TICRR: variants seen among roughly 807,000 people sequenced by gnomAD.
TICRR encodes the protein treslin.
A neutral mutation model predicts 178.1 loss-of-function variants in TICRR; 132 were observed. That is an observed-to-expected ratio of 0.74 (90% CI 0.64 to 0.86). The LOEUF (loss-of-function observed/expected upper bound fraction) is 0.86, where lower values mean the gene tolerates loss of function less well. Among genes scored for constraint, TICRR ranks in the 40% least tolerant of loss-of-function variants. TICRR has a pLI of 0.00. For synonymous variants in TICRR, 991 were observed against 900.7 expected (o/e 1.10, Z -1.79); for missense variants, 2,587 against 2,334.3 (o/e 1.11, Z -2.23).
At chr15:89,621,710 A>T (rs1408053526) in intron 19 of TICRR, among the ~76,000 whole-genome samples, 160 bp downstream of exon 19, 1 of 152,086 alleles carries the variant, frequency 6.6e-6, no homozygotes, top group African/African-American at 2.4e-5. Flanking sequence ...ATTATTAGAC[A>T]CGTGGGAACT....
Position 89,606,825 on chromosome 15 carries a change from G to C in TICRR, c.2722G>C (p.Glu908Gln), listed in dbSNP as rs1244643778. 1.2e-6 allele frequency: 2 copies of C among 1,612,732 alleles called. No individual in the cohort carries two copies. The highest frequency in any genetic ancestry group is 2.7e-5 in the African/African-American group (2 of 74,872). Residue 908 changes from glutamate to glutamine, a missense_variant and splice_region_variant, in exon 14 of 22, where the codon GAA (glutamate) becomes CAA (glutamine). Glu to Gln is a conservative substitution (Grantham distance 29, BLOSUM62 2). Coordinates refer to ENST00000268138, the MANE Select transcript of TICRR (RefSeq NM_152259.4). ...CCAGCCAGTGAAAGATACAGTGCAA[G>C]GTATACTGTTTTCTCAGTGTATGTA... Reference protein sequence around the residue: ...PSQPVKDTVQEVTKVRRNLFN... With the variant: ...PSQPVKDTVQQVTKVRRNLFN...
At chr15:89,621,679 C>A in intron 19 of TICRR, 129 bp downstream of exon 19, 1 of 751,854 alleles carries the variant, frequency 1.3e-6, no homozygotes, top group Non-Finnish European at 2.1e-6. Flanking sequence ...TTGGAGGTGA[C>A]TGGGTGGAGC....
intron 13 of TICRR, among the ~76,000 whole-genome samples, chr15:89,604,675 G>A (rs1305504602): frequency 6.6e-6 from 1 of 150,826 alleles, no homozygotes; most frequent in Non-Finnish European, 1.5e-5. Flanking sequence ...GGAGGCTGAG[G>A]TAGGAGGATC....
chr15:89,587,601 G>A (rs1962843255), intron 4 of TICRR, among the ~76,000 whole-genome samples: 1 of 152,152 alleles, frequency 6.6e-6, no homozygotes, highest in African/African-American at 2.4e-5. Context: ...AGTGAAGACA[G>A]GAAATGCTTG....
At chr15:89,620,099 T>C (rs1382777809) in intron 18 of TICRR, among the ~76,000 whole-genome samples, 1 of 152,198 alleles carries the variant, frequency 6.6e-6, no homozygotes, top group Non-Finnish European at 1.5e-5. Flanking sequence ...CTACCCATAA[T>C]TTCCCATAAG....
rs769676819 is a variant in TICRR, at chr15:89,582,873, C to A, written c.842C>A (p.Thr281Asn). Reference sequence around the variant, plus strand: ...TCTCCGTGGATTTCAATGCTGCCAACTGATGCCACTTTAAACCGTTTGCTC... The same window carrying A: ...TCTCCGTGGATTTCAATGCTGCCAAATGATGCCACTTTAAACCGTTTGCTC... The part of the protein sequence containing the change: ...HLSPWISMLP[T>N]DATLNRLLYN... Residue 281 changes from threonine to asparagine, a missense_variant, in exon 2 of 22, where the codon ACT (threonine) becomes AAT (asparagine). Physicochemically the swap from Thr to Asn is moderately conservative, Grantham distance 65 (BLOSUM62 0). Transcript: ENST00000268138. 6.2e-7 allele frequency: 1 copy of A among 1,614,200 alleles called. No homozygotes were observed. The highest frequency in any genetic ancestry group is 8.5e-7 in the Non-Finnish European group (1 of 1,180,028).
intron 18 of TICRR, among the ~76,000 whole-genome samples, 170 bp downstream of exon 18, chr15:89,620,012 T>G (rs1963398972): frequency 1.3e-5 from 2 of 152,194 alleles, no homozygotes; most frequent in African/African-American, 4.8e-5. Context: ...CATGACTTTG[T>G]AATCAGTCAT....
rs559529342 is a variant in TICRR at position 89,623,880 on chromosome 15, G to A, written c.3570G>A (p.Thr1190=). ...CAGGAGAAGGTACCTCTCTTGAAACGAAGACACCAAGAACTCCTAAGAGGC... is the reference window on the plus strand; with the variant it reads ...CAGGAGAAGGTACCTCTCTTGAAACAAAGACACCAAGAACTCCTAAGAGGC... ...TQAGEGTSLE[T]KTPRTPKRQG... Residue 1190 remains threonine (T), a synonymous_variant, in exon 20 of 22, where the codon ACG becomes ACA. Coordinates refer to ENST00000268138, the MANE Select transcript of TICRR (RefSeq NM_152259.4). The A allele has an allele frequency of 2.1e-5, 34 of 1,613,814 alleles. No individual in the cohort carries two copies. Among genetic ancestry groups the A allele is most frequent in the Admixed American group, 8.3e-5 (5 of 60,006 alleles).
chr15:89,625,239 CT>C lies in TICRR; in HGVS notation c.4930del (p.Cys1644AlafsTer38), dbSNP rs750868929. ...PGKSRGQTYI[C>X]QACTPTHGPS... ...GCAAGAGCAGGGGGCAAACCTACAT[CT>C]GCCAGGCCTGTACCCCCACCCACGG... is the stretch of plus-strand genomic sequence containing the variant. On this transcript the variant is annotated frameshift_variant, in exon 20 of 22. Coordinates refer to ENST00000268138, the MANE Select transcript of TICRR (RefSeq NM_152259.4). LOFTEE classifies it high-confidence loss of function. 4 of 1,613,544 alleles carry C rather than the reference CT, an allele frequency of 2.5e-6. No individual in the cohort carries two copies. In the African/African-American group the frequency reaches 5.3e-5, roughly 22 times the overall value.
At chr15:89,597,767 A>G (rs761480426) in intron 7 of TICRR, among the ~76,000 whole-genome samples, 2 of 152,222 alleles carry the variant, frequency 1.3e-5, no homozygotes, top group East Asian at 1.9e-4. Context: ...GTTTGTCAAT[A>G]TGCAGAAAAT....
chr15:89,582,554 C>A, intron 1 of TICRR, 132 bp from the exon 2 acceptor site: 1 of 812,952 alleles, frequency 1.2e-6, no homozygotes, highest in East Asian at 2.6e-5. Flanking sequence ...CTATTTAGCT[C>A]AGCAAATACA....
intron 3 of TICRR, 68 bp from the exon 4 acceptor site, chr15:89,585,640 A>T: frequency 9.4e-7 from 1 of 1,058,530 alleles, no homozygotes; most frequent in Non-Finnish European, 1.4e-6. Flanking sequence ...TCTGTCTTTT[A>T]GTACACTACA....
At chr15:89,607,202 C>T (rs942342841) in intron 14 of TICRR, among the ~76,000 whole-genome samples, 1 of 152,050 alleles carries the variant, frequency 6.6e-6, no homozygotes, top group African/African-American at 2.4e-5. Flanking sequence ...AAGGATATTA[C>T]TGAGACAACT....
chr15:89,584,285 G>T lies in TICRR; in HGVS notation c.935-1G>T, dbSNP rs1962780384. The T allele has an allele frequency of 3.2e-6, 5 of 1,581,900 alleles. No individual in the cohort carries two copies. The highest frequency in any genetic ancestry group is 4.3e-6 in the Non-Finnish European group (5 of 1,165,490). ...CTGGTCTAATTAATCTTTATTTCTA[G>T]CAGGCAAAGAGATTCAAGAAACATG... is the stretch of plus-strand genomic sequence containing the variant. On this transcript the variant is annotated splice_acceptor_variant, in intron 2 of 21. Coordinates refer to ENST00000268138, the MANE Select transcript of TICRR (RefSeq NM_152259.4). LOFTEE classifies it high-confidence loss of function.
At chr15:89,597,890 T>G (rs1215824520) in intron 7 of TICRR, among the ~76,000 whole-genome samples, 1 of 152,226 alleles carries the variant, frequency 6.6e-6, no homozygotes. Flanking sequence ...ACTTATTTAG[T>G]TCTTTGATTT....
rs201609760 is a variant in TICRR at position 89,625,953 on chromosome 15, A to G, written c.5494A>G (p.Ser1832Gly). ...CTCTTTAGGCTCCACCCCACCTCCC[A>G]GCTGTGCCGTGCGGAGCTGCCTCTC... The part of the protein sequence containing the change: ...VFVSGSTPPP[S>G]CAVRSCLSAS... Residue 1832 changes from serine to glycine, a missense_variant, in exon 21 of 22, where the codon AGC becomes GGC. Coordinates refer to ENST00000268138, the MANE Select transcript of TICRR (RefSeq NM_152259.4). The G allele has an allele frequency of 3.2e-6, 5 of 1,585,142 alleles. No homozygotes were observed. The African/African-American group carries it at 6.8e-5, about 21-fold the overall frequency.
rs190446616 is a variant in TICRR, at chr15:89,594,585, C to G, written c.1681+31C>G. On this transcript the variant is annotated intron_variant, in intron 6 of 21. Coordinates refer to ENST00000268138, the MANE Select transcript of TICRR (RefSeq NM_152259.4). Reference sequence around the variant, plus strand: ...TACCTAGAAAGGCTGTTTCTTAAGGCATTCTTTTTTGAGACTGTATGTTTT... The same window carrying G: ...TACCTAGAAAGGCTGTTTCTTAAGGGATTCTTTTTTGAGACTGTATGTTTT... 363 of 1,488,408 alleles carry G rather than the reference C, an allele frequency of 2.4e-4. 1 individual carries two copies. The African/African-American group carries it at 3.7e-3, about 15-fold the overall frequency. The allele number at this position is 1,488,408 out of a possible 1,614,324, so 92.2% of individuals were successfully genotyped here.
At chr15:89,612,742 T>C (rs2141973536) in intron 15 of TICRR, among the ~76,000 whole-genome samples, 1 of 152,352 alleles carries the variant, frequency 6.6e-6, no homozygotes, top group East Asian at 1.9e-4. Flanking sequence ...TCATGTTGCA[T>C]AACCTCACTC....
intron 3 of TICRR, 77 bp from the exon 4 acceptor site, chr15:89,585,631 C>A: frequency 1.0e-6 from 1 of 980,392 alleles, no homozygotes; most frequent in Non-Finnish European, 1.6e-6. Flanking sequence ...AATGGTTATT[C>A]TGTCTTTTAG....
Sources: gnomAD v4.1 joint callset for allele counts (sites outside exome capture counted in the v4.1 genomes callset) on GRCh38, gnomAD v4.1.1 for gene constraint, MANE v1.5 for transcripts, NCBI Gene and HGNC (gene_info 2026-07-23, HGNC 2026-07-21) for gene names.